Variants in EIF2AK1 observed in about 807,000 individuals in gnomAD.
EIF2AK1 encodes the protein eukaryotic translation initiation factor 2-alpha kinase 1.
EIF2AK1 carries 54 observed loss-of-function variants against 77.9 expected under a neutral mutation model. The observed-to-expected ratio is 0.69, with a 90% CI of 0.56 to 0.87. The LOEUF (loss-of-function observed/expected upper bound fraction) is 0.87, where lower values mean the gene tolerates loss of function less well. Among genes scored for constraint, EIF2AK1 ranks in the 40% least tolerant of loss-of-function variants. EIF2AK1 has a pLI of 0.00. For missense variants in EIF2AK1, 810 were observed against 768.6 expected, an observed-to-expected ratio of 1.05 and a Z score of -0.64; for synonymous variants, 314 against 290.5, an observed-to-expected ratio of 1.08 and a Z score of -0.82.
At chr7:6,053,054 G>A (rs1182622879) in intron 2 of EIF2AK1, among the ~76,000 whole-genome samples, 1 of 152,128 alleles carries the variant, frequency 6.6e-6, no homozygotes, top group Non-Finnish European at 1.5e-5. Flanking sequence ...GGGATCCACA[G>A]TTATATTTGT....
intron 11 of EIF2AK1, 133 bp downstream of exon 11, chr7:6,037,291 A>G (rs1186203918): frequency 4.6e-6 from 3 of 655,640 alleles, no homozygotes; most frequent in Non-Finnish European, 8.1e-6. Context: ...ACAATGACTT[A>G]TCTGACAGTA....
chr7:6,025,451 C>T (rs1031176585), intron 14 of EIF2AK1, among the ~76,000 whole-genome samples: 15 of 152,108 alleles, frequency 9.9e-5, no homozygotes, highest in African/African-American at 2.4e-4. Flanking sequence ...TGAGCCACCA[C>T]GCCCAATGCT....
intron 14 of EIF2AK1, 56 bp from the exon 15 acceptor site, chr7:6,024,857 G>C: frequency 2.4e-6 from 2 of 836,640 alleles, no homozygotes; most frequent in Non-Finnish European, 3.2e-6. Context: ...TTTTTTTTTT[G>C]AGACAGAGTC....
chr7:6,047,783 T>C (rs959682847), intron 4 of EIF2AK1: 1 of 153,792 alleles, frequency 6.5e-6, no homozygotes, highest in Non-Finnish European at 1.4e-5. Flanking sequence ...GGTGTGATCC[T>C]GCTACTGAGC....
At chr7:6,037,246 T>A (rs995621914) in intron 11 of EIF2AK1, among the ~76,000 whole-genome samples, 178 bp downstream of exon 11, 1 of 151,242 alleles carries the variant, frequency 6.6e-6, no homozygotes, top group African/African-American at 2.4e-5. Context: ...AAAAAAAAAA[T>A]TCGACCTAAT....
At chr7:6,058,487 T>A (rs896023643) in intron 1 of EIF2AK1, among the ~76,000 whole-genome samples, 7 of 152,090 alleles carry the variant, frequency 4.6e-5, no homozygotes, top group African/African-American at 1.4e-4. Context: ...CTATAAGAAA[T>A]CTTTAGTTCT....
chr7:6,056,614 AT>A (rs1404358077), intron 1 of EIF2AK1, among the ~76,000 whole-genome samples: 32 of 53,460 alleles, frequency 6.0e-4, no homozygotes, highest in South Asian at 2.3e-3. Flanking sequence ...AAAAAAAAAA[AT>A]ATATATATAT....
chr7:6,047,413 G>T (rs966722768), intron 4 of EIF2AK1, among the ~76,000 whole-genome samples: 1 of 152,102 alleles, frequency 6.6e-6, no homozygotes, highest in Non-Finnish European at 1.5e-5. Context: ...GGTGGCTCAC[G>T]CCTGTAATCC....
chr7:6,044,555 G>A lies in EIF2AK1; in HGVS notation c.730+7C>T, dbSNP rs921285256. The A allele has an allele frequency of 5.6e-6, 9 of 1,610,448 alleles. No individual in the cohort carries two copies. Among genetic ancestry groups the A allele is most frequent in the African/African-American group, 4.0e-5 (3 of 74,852 alleles). Reference sequence around the variant, plus strand: ...CTTCAACTACCATACCATCAAAAACGGCTTACCTCGTGGCTGAATCACATG... The same window carrying A: ...CTTCAACTACCATACCATCAAAAACAGCTTACCTCGTGGCTGAATCACATG... On this transcript the variant is annotated splice_region_variant and intron_variant, in intron 7 of 14. Transcript: ENST00000199389.
At chr7:6,037,326 C>G (rs1032531640) in intron 11 of EIF2AK1, 98 bp downstream of exon 11, 1 of 765,252 alleles carries the variant, frequency 1.3e-6, no homozygotes, top group Non-Finnish European at 2.3e-6. Flanking sequence ...AGCAAATGAA[C>G]TAGGACATGT....
Position 6,024,211 on chromosome 7 carries a change from G to C in EIF2AK1, c.*462C>G. 8.1e-7 allele frequency: 1 copy of C among 1,235,726 alleles called. No homozygotes were observed. Among genetic ancestry groups the C allele is most frequent in the Non-Finnish European group, 1.0e-6 (1 of 963,578 alleles). The allele number at this position is 1,235,726 out of a possible 1,614,324, so 76.5% of individuals were successfully genotyped here. On this transcript the variant is annotated 3_prime_UTR_variant, in exon 15 of 15. Coordinates refer to ENST00000199389, the MANE Select transcript of EIF2AK1 (RefSeq NM_014413.4). ...TCTTAGAGGCAGCAGAAGGTTTGGA[G>C]CCAAGGAATGAAATGATGAGGCGTC...
chr7:6,039,621 CAAAAAAA>C, intron 9 of EIF2AK1, among the ~76,000 whole-genome samples: 1 of 49,010 alleles, frequency 2.0e-5, no homozygotes, highest in Middle Eastern at 0.025. Context: ...ACTCCATCTC[CAAAAAAA>C]AAAAAAAAAA....
intron 2 of EIF2AK1, among the ~76,000 whole-genome samples, chr7:6,052,733 C>A (rs528096958): frequency 2.2e-3 from 330 of 151,068 alleles, no homozygotes; most frequent in Non-Finnish European, 3.8e-3. Flanking sequence ...CACTGAAGGC[C>A]GAGGCGGGTG....
intron 7 of EIF2AK1, among the ~76,000 whole-genome samples, chr7:6,043,506 G>A (rs1788354742): frequency 6.6e-6 from 1 of 152,012 alleles, no homozygotes; most frequent in East Asian, 1.9e-4. Context: ...TTGGCTCACT[G>A]CAACCTCCAC....
At chr7:6,057,904 C>G (rs1221645397) in intron 1 of EIF2AK1, among the ~76,000 whole-genome samples, 1 of 152,146 alleles carries the variant, frequency 6.6e-6, no homozygotes, top group African/African-American at 2.4e-5. Context: ...TGCTGGATTA[C>G]AGGCGTGACC....
chr7:6,047,394 G>C (rs1788476860), intron 4 of EIF2AK1: 8 of 422,816 alleles, frequency 1.9e-5, no homozygotes, highest in South Asian at 1.6e-4. Context: ...TGAAATTTCA[G>C]CTGGGCATGG....
chr7:6,041,185 T>C lies in EIF2AK1; in HGVS notation c.826A>G (p.Ser276Gly). 6.2e-7 allele frequency: 1 copy of C among 1,611,200 alleles called. No individual in the cohort carries two copies. Among genetic ancestry groups the C allele is most frequent in the Non-Finnish European group, 8.5e-7 (1 of 1,179,426 alleles). The change falls in exon 9 of 15, where the codon AGC becomes GGC. Residue 276 changes from serine (S) to glycine (G), a missense_variant. Ser to Gly is a moderately conservative substitution (Grantham distance 56, BLOSUM62 0). Coordinates refer to ENST00000199389, the MANE Select transcript of EIF2AK1 (RefSeq NM_014413.4). ...QCGVKNDESS[S>G]SSIIFAEPTP... ...GGCTCAGCAAAGATAATGGATGAGC[T>C]GCTACTTTCATCATTTTTAACACCA... is the stretch of plus-strand genomic sequence containing the variant.
intron 10 of EIF2AK1, among the ~76,000 whole-genome samples, chr7:6,038,266 C>G (rs1437311760): frequency 6.6e-6 from 1 of 151,982 alleles, no homozygotes; most frequent in South Asian, 2.1e-4. Context: ...CCTGTCTCTA[C>G]AAAATTTTGT....
Position 6,036,471 on chromosome 7 carries a change from C to T in EIF2AK1, c.1332+953G>A. ...GCTAGACATGTCCCAGAAAATGCTT[C>T]ACCTATCACCTGTGACATCCCAAAT... On this transcript the variant is annotated intron_variant, in intron 11 of 14. Coordinates refer to ENST00000199389, the MANE Select transcript of EIF2AK1 (RefSeq NM_014413.4). The surrounding 1 kb of genome is among the most constrained non-coding windows in gnomAD (Gnocchi z 4.6). 1 of 916,210 alleles carries T rather than the reference C, an allele frequency of 1.1e-6. No homozygotes were observed. Among genetic ancestry groups the T allele is most frequent in the South Asian group, 2.2e-5 (1 of 45,588 alleles). 56.8% of individuals were successfully genotyped at this position (916,210 alleles called of 1,614,324 possible). A position where few individuals can be genotyped will look rare whatever the true frequency, so the allele number is the denominator to read the frequency against.
Sources: allele counts gnomAD v4.1 joint callset (sites outside exome capture counted in the v4.1 genomes callset), GRCh38; gene constraint gnomAD v4.1.1; non-coding constraint Gnocchi (gnomAD v3.1); transcripts MANE v1.5; gene names NCBI Gene and HGNC (gene_info 2026-07-23, HGNC 2026-07-21).